DHX36: variants seen among roughly 807,000 people sequenced by gnomAD.
DHX36 encodes DEAH-box helicase 36, also known as ATP-dependent DNA/RNA helicase DHX36.
In DHX36, 50 loss-of-function variants were observed where a neutral mutation model predicts 139.0. The observed-to-expected ratio is 0.36, with a 90% CI of 0.29 to 0.46. The LOEUF is 0.46. Ranked by LOEUF, DHX36 falls within the 20% of genes least tolerant of loss-of-function variation. The pLI is 1.00. For missense variants in DHX36, 1,024 were observed against 1,211.3 expected (o/e 0.85, Z 2.29); for synonymous variants, 425 against 401.9 (o/e 1.06, Z -0.69).
In DHX36 at chr3:154,284,804, T is replaced by C; in HGVS notation, c.2205+10A>G. The C allele has an allele frequency of 1.9e-6, 3 of 1,611,948 alleles. No homozygotes were observed. The highest frequency in any genetic ancestry group is 2.5e-6 in the Non-Finnish European group (3 of 1,178,880). ...CTAAAATAACTCGGTTTTATTTCCA[T>C]TTTTCTTACCAGTGGAATGACAAAT... On this transcript the variant is annotated intron_variant, in intron 18 of 24. Coordinates refer to ENST00000496811, the MANE Select transcript of DHX36 (RefSeq NM_020865.3).
chr3:154,304,732 C>T (rs1712433188), intron 8 of DHX36, 74 bp downstream of exon 8: 2 of 1,133,342 alleles, frequency 1.8e-6, no homozygotes, highest in Middle Eastern at 3.1e-4. Context: ...CTACTCTTTA[C>T]CTAGTACCAT....
intron 11 of DHX36, 89 bp downstream of exon 11, chr3:154,300,505 A>C: frequency 1.0e-6 from 1 of 987,444 alleles, no homozygotes; most frequent in Non-Finnish European, 1.5e-6. Context: ...TCTATTTCAT[A>C]AGCATTTAAG....
At chr3:154,312,855 ATATATAT>A (rs1712816663) in intron 3 of DHX36, among the ~76,000 whole-genome samples, 3 of 4,692 alleles carry the variant, frequency 6.4e-4, no homozygotes, top group African/African-American at 2.8e-3. Context: ...TAATTAAAAT[ATATATAT>A]ATATATATAT....
chr3:154,286,166 C>CAAAAAAAAAA (rs60041573), intron 17 of DHX36, among the ~76,000 whole-genome samples: 1 of 16,562 alleles, frequency 6.0e-5, no homozygotes. Context: ...TTCCACACAC[C>CAAAAAAAAAA]AAAAAAAAAA....
At chr3:154,303,470 T>C (rs1190987553) in intron 8 of DHX36, 60 bp from the exon 9 acceptor site, 15 of 1,214,142 alleles carry the variant, frequency 1.2e-5, no homozygotes, top group Admixed American at 2.1e-5. Context: ...AACATTAATA[T>C]ACTGTAAATA....
At chr3:154,316,769 A>G (rs1242132446) in intron 1 of DHX36, among the ~76,000 whole-genome samples, 1 of 152,080 alleles carries the variant, frequency 6.6e-6, no homozygotes. Flanking sequence ...GAAACTTTGC[A>G]GAAACTTTAC....
At chr3:154,287,536 T>C (rs1711588480) in intron 17 of DHX36, among the ~76,000 whole-genome samples, 1 of 151,850 alleles carries the variant, frequency 6.6e-6, no homozygotes, top group South Asian at 2.1e-4. Context: ...GTGCCTGTAA[T>C]CCCAGCAGGA....
At chr3:154,278,023 C>A (rs893844529) in intron 22 of DHX36, 5 of 206,394 alleles carry the variant, frequency 2.4e-5, no homozygotes, top group Non-Finnish European at 3.9e-5. Context: ...GCAGAATATT[C>A]TTTTCCTTAA....
In DHX36 at chr3:154,277,558, C is replaced by G. The variant is rs993983573; in HGVS notation, c.2688+40G>C. ...ACACAATCATAAAAATACAATGAGA[C>G]TGATAATCAGATCCTTAATTATTTT... On this transcript the variant is annotated intron_variant, in intron 23 of 24. Transcript: ENST00000496811. 19 of 1,553,682 alleles carry G rather than the reference C, an allele frequency of 1.2e-5. No homozygotes were observed. The African/African-American group carries it at 2.5e-4, about 20-fold the overall frequency.
chr3:154,284,787 A>G (rs754497468), intron 18 of DHX36, 27 bp downstream of exon 18: 2 of 1,610,088 alleles, frequency 1.2e-6, no homozygotes, highest in Non-Finnish European at 1.7e-6. Flanking sequence ...ATCTAAAATA[A>G]CTCGGTTTTA....
chr3:154,277,694 A>G lies in DHX36; in HGVS notation c.2592T>C (p.Asp864=). The G allele has an allele frequency of 2.5e-6, 4 of 1,609,168 alleles. No individual in the cohort carries two copies. The highest frequency in any genetic ancestry group is 3.4e-6 in the Non-Finnish European group (4 of 1,176,886). Residue 864 remains aspartate, a synonymous_variant, in exon 23 of 25, where the codon GAT becomes GAC. Transcript: ENST00000496811. ...RKMVKVYTKT[D]GLVAVHPKSV... ...ATTTAGGATGAACAGCAACCAGGCC[A>G]TCGGTTTTTGTGTAAACTTTTACCC...
chr3:154,288,869 C>A lies in DHX36; in HGVS notation c.2028G>T (p.Glu676Asp). ...AVLLSIRHLM[E>D]LNALDKQEEL... ...AAAAACAAGAAAACAAATTTACCAGCTCCATCAGGTGTCTTATGGAGAGTA... is the reference window on the plus strand; with the variant it reads ...AAAAACAAGAAAACAAATTTACCAGATCCATCAGGTGTCTTATGGAGAGTA... The change falls in exon 17 of 25, where the codon GAG (glutamate) becomes GAT (aspartate). Residue 676 changes from glutamate to aspartate, a missense_variant. By Grantham distance (45) the Glu-to-Asp change is conservative. Coordinates refer to ENST00000496811, the MANE Select transcript of DHX36 (RefSeq NM_020865.3). The A allele has an allele frequency of 6.5e-7, 1 of 1,536,368 alleles. No individual in the cohort carries two copies. Among genetic ancestry groups the A allele is most frequent in the Non-Finnish European group, 8.8e-7 (1 of 1,139,884 alleles).
At chr3:154,285,436 G>A (rs1711515305) in intron 17 of DHX36, among the ~76,000 whole-genome samples, 1 of 152,156 alleles carries the variant, frequency 6.6e-6, no homozygotes, top group African/African-American at 2.4e-5. Flanking sequence ...AGTGACTTCT[G>A]CTCTGATTCC....
At chr3:154,286,846 T>C (rs1576859981) in intron 17 of DHX36, among the ~76,000 whole-genome samples, 1 of 152,008 alleles carries the variant, frequency 6.6e-6, no homozygotes, top group East Asian at 1.9e-4. Context: ...GATAGGGTCT[T>C]GTTCTGTCAT....
At chr3:154,306,894 AATAAGT>A (rs1482441858) in intron 5 of DHX36, among the ~76,000 whole-genome samples, 1 of 152,168 alleles carries the variant, frequency 6.6e-6, no homozygotes, top group African/African-American at 2.4e-5. Flanking sequence ...AAAACTTTCC[AATAAGT>A]ATATCTAGTA....
chr3:154,298,711 C>G (rs2108349934), intron 12 of DHX36, among the ~76,000 whole-genome samples: 1 of 151,138 alleles, frequency 6.6e-6, no homozygotes, highest in East Asian at 2.0e-4. Flanking sequence ...GTCAGGAGAT[C>G]AAGACCATCC....
At chr3:154,311,323 T>A (rs189895996) in intron 4 of DHX36, among the ~76,000 whole-genome samples, 4 of 152,240 alleles carry the variant, frequency 2.6e-5, no homozygotes, top group African/African-American at 7.2e-5. Flanking sequence ...ATAATTTGTA[T>A]ATTATTTTTA....
chr3:154,299,364 T>C (rs920539347), intron 12 of DHX36, among the ~76,000 whole-genome samples: 4 of 139,774 alleles, frequency 2.9e-5, no homozygotes, highest in African/African-American at 7.4e-5. Flanking sequence ...GAAAATACTC[T>C]AAATTTTATA....
At chr3:154,278,369 ATAATT>A (rs1185240886) in intron 22 of DHX36, 1 of 152,114 alleles carries the variant, frequency 6.6e-6, no homozygotes, top group African/African-American at 2.4e-5. Flanking sequence ...GAGATGTTTA[ATAATT>A]TATTTTTAAA....
Sources: gnomAD v4.1 joint callset for allele counts (sites outside exome capture counted in the v4.1 genomes callset) on GRCh38, gnomAD v4.1.1 for gene constraint, MANE v1.5 for transcripts, NCBI Gene and HGNC (gene_info 2026-07-23, HGNC 2026-07-21) for gene names.